The following JAKMIP3 variants were observed in gnomAD, a reference collection of about 807,000 sequenced individuals.
JAKMIP3 encodes the protein Janus kinase and microtubule interacting protein 3, also known as janus kinase and microtubule-interacting protein 3.
Under a neutral mutation model 118.5 loss-of-function variants are expected in JAKMIP3, and 58 were observed. That is an observed-to-expected ratio of 0.49 (90% confidence interval 0.40 to 0.61). JAKMIP3 has a LOEUF of 0.61. JAKMIP3 is among the 20% of genes least tolerant of loss of function. The pLI, the probability that JAKMIP3 is intolerant of heterozygous loss-of-function variation, is 0.00. For missense variants in JAKMIP3, 950 were observed against 1,109.0 expected (o/e 0.86, Z 2.04); for synonymous variants, 486 against 451.2 (o/e 1.08, Z -0.98).
At chr10:132,092,008 T>C (rs575980468) in intron 1 of JAKMIP3, among the ~76,000 whole-genome samples, 1 of 152,278 alleles carries the variant, frequency 6.6e-6, no homozygotes, top group African/African-American at 2.4e-5. Context: ...CTGTGAAGGA[T>C]TTTATTTCTC....
rs1223497320 is a variant in JAKMIP3 at position 132,046,177 on chromosome 10, A to G, written c.-138+9439A>G. On this transcript the variant is annotated intron_variant, in intron 1 of 23. Transcript: ENST00000657785. ...ACATAGATAAAGCCGTCCAGGGGCCAGGTGTGGTGGCTCATGCCTGTAATC... is the reference window on the plus strand; with the variant it reads ...ACATAGATAAAGCCGTCCAGGGGCCGGGTGTGGTGGCTCATGCCTGTAATC... 2.0e-5 allele frequency among the ~76,000 whole-genome samples: 3 copies of G among 151,960 alleles called. No individual in the cohort carries two copies. The East Asian group carries it at 5.9e-4, about 30-fold the overall frequency.
upstream of JAKMIP3, among the ~76,000 whole-genome samples, chr10:132,059,963 C>G (rs145111883): frequency 2.0e-5 from 3 of 152,176 alleles, no homozygotes; most frequent in African/African-American, 7.2e-5. Flanking sequence ...GCCACAGCTG[C>G]TGGGTTGGGC....
rs570006544 is a variant in JAKMIP3 at position 132,142,082 on chromosome 10, C to A, written c.1602+34C>A. ...GACTTCCACCGCGCGTTCCGGCCCC[C>A]CTCGTGCCTTCCCGCTTGACCCCGT... On this transcript the variant is annotated intron_variant, in intron 11 of 23. Transcript: ENST00000684848. 3.0e-5 allele frequency: 47 copies of A among 1,571,660 alleles called. No homozygotes were observed. In the African/African-American group the frequency reaches 5.5e-4, roughly 18 times the overall value.
intron 1 of JAKMIP3, among the ~76,000 whole-genome samples, chr10:132,040,370 G>A (rs2037695762): frequency 6.6e-6 from 1 of 152,132 alleles, no homozygotes; most frequent in Non-Finnish European, 1.5e-5. Flanking sequence ...TTGTGATGGG[G>A]ATGAGCTGAC....
rs546924738 is a variant in JAKMIP3, at chr10:132,163,315, C to T, written c.2327C>T (p.Ala776Val). 1.4e-4 allele frequency: 222 copies of T among 1,608,542 alleles called. No individual in the cohort carries two copies. The highest frequency in any genetic ancestry group is 1.8e-4 in the Non-Finnish European group (210 of 1,178,776). The change falls in exon 20 of 24, where the codon GCC (alanine) becomes GTC (valine). Residue 776 changes from alanine (A) to valine (V), a missense_variant. Transcript: ENST00000684848. ...SEEEREKLKVAVEQWKRQVMS... is the reference protein window; with the variant it reads ...SEEEREKLKVVVEQWKRQVMS... ...GAGGAGCGCGAGAAGCTCAAGGTGG[C>T]CGTGGAGCAGTGGAAGCGCCAGGTC...
chr10:132,091,031 T>C (rs1014698618), intron 1 of JAKMIP3, among the ~76,000 whole-genome samples: 1 of 152,258 alleles, frequency 6.6e-6, no homozygotes, highest in Admixed American at 6.5e-5. Flanking sequence ...TTGATTTTGT[T>C]ATGTACCCAG....
chr10:132,097,693 G>A (rs4880234), intron 1 of JAKMIP3, among the ~76,000 whole-genome samples: 92,616 of 151,236 alleles, frequency 0.61, 28,607 homozygotes, highest in East Asian at 0.71. Context: ...GGGATGTGCG[G>A]CATCTGTATA....
At chr10:132,115,779 A>G (rs2047550320) in intron 2 of JAKMIP3, among the ~76,000 whole-genome samples, 1 of 152,260 alleles carries the variant, frequency 6.6e-6, no homozygotes, top group South Asian at 2.1e-4. Flanking sequence ...ACTCGTGAAA[A>G]AAAAATGAAA....
chr10:132,063,986 A>G (rs1029245720), upstream of JAKMIP3, among the ~76,000 whole-genome samples: 13 of 152,190 alleles, frequency 8.5e-5, no homozygotes, highest in Non-Finnish European at 2.9e-5. Context: ...CAGAAATGTG[A>G]GCATACGATA....
chr10:132,105,059 C>A (rs1276985632), intron 2 of JAKMIP3, 116 bp downstream of exon 2: 1 of 1,259,630 alleles, frequency 7.9e-7, no homozygotes, highest in Non-Finnish European at 1.1e-6. Context: ...CCCACCCAGT[C>A]CTAAAGGCTG....
intron 13 of JAKMIP3, among the ~76,000 whole-genome samples, chr10:132,146,163 G>A (rs60726520): frequency 0.041 from 2,396 of 58,684 alleles, 61 homozygotes; most frequent in African/African-American, 0.14. Flanking sequence ...ACCCTGGCCC[G>A]GGCTTTGTGG....
At chr10:132,080,752 T>C (rs12357537) in intron 1 of JAKMIP3, among the ~76,000 whole-genome samples, 53,684 of 151,536 alleles carry the variant, frequency 0.35, 9,937 homozygotes, top group African/African-American at 0.47. Flanking sequence ...ACTCCCAACC[T>C]CAAGCAGTCT....
At chr10:132,137,205 C>G in intron 7 of JAKMIP3, 49 bp from the exon 8 acceptor site, 1 of 1,613,876 alleles carries the variant, frequency 6.2e-7, no homozygotes, top group Non-Finnish European at 8.5e-7. Flanking sequence ...AGGGGCTTGG[C>G]TAACAGGGAC....
At chr10:132,146,135 A>G (rs1007123434) in intron 13 of JAKMIP3, among the ~76,000 whole-genome samples, 8 of 37,372 alleles carry the variant, frequency 2.1e-4, no homozygotes, top group Non-Finnish European at 4.2e-4. Flanking sequence ...CCCCGCCCCC[A>G]CCCCCACCCC....
chr10:132,040,734 A>T (rs2037717575), intron 1 of JAKMIP3, among the ~76,000 whole-genome samples: 2 of 151,734 alleles, frequency 1.3e-5, no homozygotes, highest in African/African-American at 4.8e-5. Flanking sequence ...TACGACACTT[A>T]AAGTGTCAAT....
chr10:132,123,024 C>T (rs965923575), intron 3 of JAKMIP3, among the ~76,000 whole-genome samples: 5 of 152,202 alleles, frequency 3.3e-5, no homozygotes, highest in African/African-American at 7.2e-5. Flanking sequence ...CGGAAGGCTC[C>T]GGAGCCAAAT....
chr10:132,064,492 G>C (rs1478227535), upstream of JAKMIP3, among the ~76,000 whole-genome samples: 1 of 151,022 alleles, frequency 6.6e-6, no homozygotes, highest in African/African-American at 2.4e-5. This position sits in a 1 kb window ranked among gnomAD's most constrained non-coding sequence, Gnocchi z 4.4. Flanking sequence ...GGAGGGGTCT[G>C]GATCTCCGAC....
intron 2 of JAKMIP3, among the ~76,000 whole-genome samples, chr10:132,109,325 A>G (rs1227558206): frequency 6.6e-6 from 1 of 152,168 alleles, no homozygotes; most frequent in Admixed American, 6.5e-5. Context: ...TTTTTAATTA[A>G]AAACATTTGA....
At chr10:132,087,746 T>C (rs12258727) in intron 1 of JAKMIP3, among the ~76,000 whole-genome samples, 53,512 of 151,222 alleles carry the variant, frequency 0.35, 9,911 homozygotes, top group African/African-American at 0.47. Context: ...CTAGGGTTCA[T>C]GTGCACAACG....
Sources: gnomAD v4.1 joint callset for allele counts (sites outside exome capture counted in the v4.1 genomes callset) on GRCh38, gnomAD v4.1.1 for gene constraint, Gnocchi (gnomAD v3.1) non-coding constraint, MANE v1.5 for transcripts, NCBI Gene and HGNC (gene_info 2026-07-23, HGNC 2026-07-21) for gene names.